Variants in UHRF2 observed in about 807,000 individuals in gnomAD.
UHRF2 encodes the protein ubiquitin like with PHD and ring finger domains 2, also known as E3 ubiquitin-protein ligase UHRF2.
A neutral mutation model predicts 96.8 loss-of-function variants in UHRF2; 23 were observed. The observed-to-expected ratio is 0.24, with a 90% CI of 0.17 to 0.34. UHRF2 has a LOEUF of 0.34. Among genes scored for constraint, UHRF2 ranks in the 10% least tolerant of loss-of-function variants. UHRF2 has a pLI of 1.00. For missense variants in UHRF2, 685 were observed against 981.5 expected (o/e 0.70, Z 4.04); for synonymous variants, 385 against 332.6 (o/e 1.16, Z -1.72).
intron 8 of UHRF2, 98 bp downstream of exon 8, chr9:6,482,197 A>C: frequency 1.0e-6 from 1 of 960,844 alleles, no homozygotes; most frequent in South Asian, 1.4e-5. Flanking sequence ...AACACATGAC[A>C]TTCACTTGTT....
chr9:6,462,835 T>G (rs189082299), intron 4 of UHRF2, among the ~76,000 whole-genome samples: 32 of 152,252 alleles, frequency 2.1e-4, no homozygotes, highest in African/African-American at 7.2e-4. Context: ...AGGAATCACT[T>G]GAACCCACGA....
Position 6,504,608 on chromosome 9 carries a change from T to C in UHRF2, c.2179T>C (p.Leu727=), listed in dbSNP as rs767665776. The stretch of plus-strand genomic sequence containing the variant: ...ACTGTTCTAGAATTTTCTGAAAAAA[T>C]TGGAACAATCTTTTATGTGCGTTTG... ...LVEGPNFLKK[L]EQSFMCVCCQ... The change falls in exon 15 of 16, where the codon TTG becomes CTG. Residue 727 remains leucine (L), a synonymous_variant. Coordinates refer to ENST00000276893, the MANE Select transcript of UHRF2 (RefSeq NM_152896.3). The C allele has an allele frequency of 2.5e-6, 4 of 1,613,180 alleles. No homozygotes were observed. Among genetic ancestry groups the C allele is most frequent in the African/African-American group, 2.7e-5 (2 of 74,908 alleles).
intron 4 of UHRF2, among the ~76,000 whole-genome samples, chr9:6,471,489 A>G (rs1334916482): frequency 6.6e-6 from 1 of 152,158 alleles, no homozygotes; most frequent in African/African-American, 2.4e-5. Flanking sequence ...TACCACTTCA[A>G]GATGAGGTTT....
intron 1 of UHRF2, among the ~76,000 whole-genome samples, chr9:6,418,930 A>G (rs1819765820): frequency 6.6e-6 from 1 of 152,152 alleles, no homozygotes; most frequent in Admixed American, 6.5e-5. Flanking sequence ...CTTTGCCGGA[A>G]ATTTTCTTTC....
At chr9:6,417,207 A>G (rs747728298) in intron 1 of UHRF2, among the ~76,000 whole-genome samples, 5 of 152,084 alleles carry the variant, frequency 3.3e-5, no homozygotes, top group Non-Finnish European at 7.4e-5. Context: ...CCCTTGCATC[A>G]TTGTTGCAGT....
chr9:6,428,735 G>C (rs1820404012), intron 2 of UHRF2, among the ~76,000 whole-genome samples: 1 of 151,882 alleles, frequency 6.6e-6, no homozygotes, highest in South Asian at 2.1e-4. Context: ...TTTTCGTAGA[G>C]ACAGAGTTTC....
chr9:6,505,620 C>CA lies in UHRF2; in HGVS notation c.2263-412dup, dbSNP rs147326585. On this transcript the variant is annotated intron_variant, in intron 15 of 15. Transcript: ENST00000276893. ...CTGCTAAGTATATTTTTTGAAGACTCACCATATGTGTTAAGTGGTTTGGTA... is the reference window on the plus strand; with the variant it reads ...CTGCTAAGTATATTTTTTGAAGACTCAACCATATGTGTTAAGTGGTTTGGTA... Among the ~76,000 whole-genome samples, 1,193 of 152,242 alleles carry CA rather than the reference C, an allele frequency of 7.8e-3. 16 individuals carry two copies. The highest frequency in any genetic ancestry group is 0.027 in the African/African-American group (1,123 of 41,566).
At chr9:6,501,252 C>G (rs1816275190) in intron 14 of UHRF2, among the ~76,000 whole-genome samples, 1 of 152,160 alleles carries the variant, frequency 6.6e-6, no homozygotes, top group Non-Finnish European at 1.5e-5. Flanking sequence ...GTTTTGCAAA[C>G]AAGCCCTTCT....
At chr9:6,499,780 C>T in intron 12 of UHRF2, 55 bp from the exon 13 acceptor site, 2 of 1,220,662 alleles carry the variant, frequency 1.6e-6, no homozygotes, top group Non-Finnish European at 2.3e-6. Flanking sequence ...TCTAAACCCC[C>T]CTTCTCTGTG....
At chr9:6,459,868 G>A (rs1377643820) in intron 3 of UHRF2, among the ~76,000 whole-genome samples, 5 of 152,204 alleles carry the variant, frequency 3.3e-5, no homozygotes, top group African/African-American at 1.2e-4. Flanking sequence ...AGCTACTCAG[G>A]CAGCTCAGGC....
At chr9:6,476,496 T>C (rs7876000) in intron 5 of UHRF2, among the ~76,000 whole-genome samples, 26,073 of 152,158 alleles carry the variant, frequency 0.17, 2,364 homozygotes, top group East Asian at 0.26. Context: ...GCTGTACCTC[T>C]TCATTTAACG....
Position 6,500,728 on chromosome 9 carries a change from A to G in UHRF2, c.2163+19A>G, listed in dbSNP as rs368917032. On this transcript the variant is annotated intron_variant, in intron 14 of 15. Transcript: ENST00000276893. Reference sequence around the variant, plus strand: ...AGGACCAGTATGTGAAGATTTTTTTAAATAATAACATTCTGATATTAACAA... The same window carrying G: ...AGGACCAGTATGTGAAGATTTTTTTGAATAATAACATTCTGATATTAACAA... 243 of 1,589,612 alleles carry G rather than the reference A, an allele frequency of 1.5e-4. No individual in the cohort carries two copies. Among genetic ancestry groups the G allele is most frequent in the Non-Finnish European group, 2.0e-4 (229 of 1,169,336 alleles).
intron 2 of UHRF2, chr9:6,423,052 C>T (rs763475523): frequency 1.4e-4 from 23 of 167,274 alleles, no homozygotes; most frequent in Admixed American, 2.5e-4. Context: ...GATAAATGGG[C>T]ACCTATACTG....
intron 3 of UHRF2, among the ~76,000 whole-genome samples, chr9:6,447,747 A>G (rs533727003): frequency 6.6e-6 from 1 of 152,236 alleles, no homozygotes; most frequent in South Asian, 2.1e-4. Flanking sequence ...AGAGAAAGCA[A>G]CAAAATTTTG....
chr9:6,432,864 A>G (rs976229066), intron 2 of UHRF2, among the ~76,000 whole-genome samples: 2 of 151,212 alleles, frequency 1.3e-5, no homozygotes, highest in Non-Finnish European at 2.9e-5. Context: ...TTTTTGAGAC[A>G]GAGTCTTGCT....
chr9:6,496,954 T>C, intron 10 of UHRF2: 1 of 389,168 alleles, frequency 2.6e-6, no homozygotes, highest in Non-Finnish European at 4.6e-6. Context: ...ATGTTATTAC[T>C]TTCAGAAGAA....
chr9:6,460,777 G>A lies in UHRF2; in HGVS notation c.849G>A (p.Val283=). The A allele has an allele frequency of 3.1e-6, 5 of 1,612,218 alleles. No individual in the cohort carries two copies. Among genetic ancestry groups the A allele is most frequent in the Non-Finnish European group, 4.2e-6 (5 of 1,179,486 alleles). Reference sequence around the variant, plus strand: ...CAAGGACCAAAAAAGAACTTCGTGTGAAAATTTTCCTGGGGTAAGATTGTC... The same window carrying A: ...CAAGGACCAAAAAAGAACTTCGTGTAAAAATTTTCCTGGGGTAAGATTGTC... ...TISRTKKELR[V]KIFLGGSEGT... Residue 283 remains valine, a synonymous_variant, in exon 4 of 16, where the codon GTG becomes GTA. Coordinates refer to ENST00000276893, the MANE Select transcript of UHRF2 (RefSeq NM_152896.3).
chr9:6,470,562 T>G (rs1414068245), intron 4 of UHRF2, among the ~76,000 whole-genome samples: 1 of 151,892 alleles, frequency 6.6e-6, no homozygotes, highest in Non-Finnish European at 1.5e-5. Context: ...GGGACAGAAT[T>G]AAGAGCAGGG....
intron 14 of UHRF2, among the ~76,000 whole-genome samples, chr9:6,502,511 C>T (rs1422562623): frequency 4.6e-5 from 7 of 152,210 alleles, no homozygotes; most frequent in Non-Finnish European, 1.0e-4. Context: ...TGATCTCAAA[C>T]ACCTGGGCTC....
Sources: gnomAD v4.1 joint callset for allele counts (sites outside exome capture counted in the v4.1 genomes callset) on GRCh38, gnomAD v4.1.1 for gene constraint, MANE v1.5 for transcripts, NCBI Gene and HGNC (gene_info 2026-07-23, HGNC 2026-07-21) for gene names.